The following USP34 variants were observed in gnomAD, a reference collection of about 807,000 sequenced individuals.
USP34 encodes ubiquitin specific peptidase 34, also known as ubiquitin carboxyl-terminal hydrolase 34.
A neutral mutation model predicts 460.3 loss-of-function variants in USP34; 70 were observed. That is an observed-to-expected ratio of 0.15 (90% CI 0.13 to 0.19). The LOEUF (loss-of-function observed/expected upper bound fraction) is 0.19. Ranked by LOEUF, USP34 falls within the 10% of genes least tolerant of loss-of-function variation. USP34 has a pLI of 1.00. For missense variants in USP34, 3,985 were observed against 4,236.2 expected, an observed-to-expected ratio of 0.94 and a Z score of 1.65; for synonymous variants, 1,647 against 1,405.3, an observed-to-expected ratio of 1.17 and a Z score of -3.85.
rs1419331396 is a variant in USP34 at position 61,434,882 on chromosome 2, T to TA, written c.44-14050dup. On this transcript the variant is annotated intron_variant, in intron 1 of 79. Coordinates refer to ENST00000398571, the MANE Select transcript of USP34 (RefSeq NM_014709.4). ...ATTCTCCTGTAATAGACCCCAATCA[T>TA]AAAGAAATATATAAAATGCCAGAAA... Among the ~76,000 whole-genome samples, 5 of 151,568 alleles carry TA rather than the reference T, an allele frequency of 3.3e-5. No homozygotes were observed. The East Asian group carries it at 9.7e-4, about 29-fold the overall frequency.
intron 34 of USP34, 38 bp downstream of exon 34, chr2:61,288,639 A>G (rs766644627): frequency 6.3e-7 from 1 of 1,590,864 alleles, no homozygotes; most frequent in South Asian, 1.1e-5. Context: ...ATAAAAATAA[A>G]TGGAATTCAT....
intron 75 of USP34, among the ~76,000 whole-genome samples, chr2:61,196,068 G>GTTTTTTTT: frequency 4.3e-5 from 2 of 47,034 alleles, no homozygotes; most frequent in African/African-American, 7.8e-5. Context: ...CACCATGCAC[G>GTTTTTTTT]ATTTTTTTTT....
intron 22 of USP34, among the ~76,000 whole-genome samples, chr2:61,318,884 AC>A (rs1344175360): frequency 6.6e-6 from 1 of 152,244 alleles, no homozygotes; most frequent in Non-Finnish European, 1.5e-5. Flanking sequence ...TTTCAAAAAA[AC>A]AAACACTAAG....
intron 1 of USP34, among the ~76,000 whole-genome samples, chr2:61,423,494 A>G (rs1436810428): frequency 6.6e-6 from 1 of 152,236 alleles, no homozygotes; most frequent in Non-Finnish European, 1.5e-5. Flanking sequence ...CAAGGAGGAA[A>G]AGACTTGTTA....
rs772276115 is a variant in USP34 at position 61,317,686 on chromosome 2, T to C, written c.3250A>G (p.Thr1084Ala). ...QHLCNLARLA[T>A]SAYDGCSNSE... Reference sequence around the variant, plus strand: ...TTTGAACAACCATCATAGGCACTGGTAGCCAATCGAGCCAAGTTACAGAGA... The same window carrying C: ...TTTGAACAACCATCATAGGCACTGGCAGCCAATCGAGCCAAGTTACAGAGA... The change falls in exon 23 of 80, where the codon ACC (threonine) becomes GCC (alanine). Residue 1084 changes from threonine (T) to alanine (A), a missense_variant. By Grantham distance (58) the Thr-to-Ala change is moderately conservative (BLOSUM62 0). Coordinates refer to ENST00000398571, the MANE Select transcript of USP34 (RefSeq NM_014709.4). 23 of 1,614,000 alleles carry C rather than the reference T, an allele frequency of 1.4e-5. No individual in the cohort carries two copies. The highest frequency in any genetic ancestry group is 1.7e-6 in the Non-Finnish European group (2 of 1,179,992).
At chr2:61,215,264 C>T (rs1431511058) in intron 67 of USP34, among the ~76,000 whole-genome samples, 1 of 152,062 alleles carries the variant, frequency 6.6e-6, no homozygotes, top group African/African-American at 2.4e-5. Context: ...CTTTAAAAGT[C>T]TTCTAAGGCT....
At chr2:61,301,321 C>T in intron 28 of USP34, 33 bp downstream of exon 28, 1 of 1,599,832 alleles carries the variant, frequency 6.3e-7, no homozygotes, top group Non-Finnish European at 8.5e-7. Context: ...ATAAACAGAT[C>T]ATTAAAACTC....
chr2:61,311,131 A>C (rs922201407), intron 27 of USP34, among the ~76,000 whole-genome samples: 1 of 152,216 alleles, frequency 6.6e-6, no homozygotes, highest in Non-Finnish European at 1.5e-5. Flanking sequence ...CTGAAAATTC[A>C]TGTTGAACAT....
chr2:61,311,710 T>C, intron 26 of USP34, 23 bp from the exon 27 acceptor site: 2 of 1,608,090 alleles, frequency 1.2e-6, no homozygotes, highest in Non-Finnish European at 1.7e-6. Context: ...ATGCAACCAA[T>C]TTAAAAATAC....
chr2:61,377,953 T>C (rs1225746762), intron 8 of USP34, among the ~76,000 whole-genome samples: 1 of 152,194 alleles, frequency 6.6e-6, no homozygotes, highest in Non-Finnish European at 1.5e-5. Context: ...CTGAGGCAAG[T>C]GGATGGCTTG....
intron 10 of USP34, among the ~76,000 whole-genome samples, chr2:61,354,358 TA>T (rs1425675439): frequency 5.3e-5 from 8 of 152,328 alleles, no homozygotes; most frequent in Admixed American, 3.9e-4. Flanking sequence ...TTCAAGGGGC[TA>T]AAAGAAAAAT....
intron 62 of USP34, 144 bp from the exon 63 acceptor site, chr2:61,223,440 C>T (rs1687645767): frequency 3.7e-6 from 3 of 821,378 alleles, no homozygotes; most frequent in Non-Finnish European, 5.6e-6. Flanking sequence ...GCTACATTTG[C>T]TTGCTAAATG....
rs959902134 is a variant in USP34, at chr2:61,309,104, C to T, written c.3817+2436G>A. On this transcript the variant is annotated intron_variant, in intron 27 of 79. Transcript: ENST00000398571. The stretch of plus-strand genomic sequence containing the variant: ...GTAAAAAGTATCGGAATTCAGAATT[C>T]AACAGCAATGATGAAAGCAAGAAAC... 2.0e-5 allele frequency among the ~76,000 whole-genome samples: 3 copies of T among 152,078 alleles called. No individual in the cohort carries two copies. In the East Asian group the frequency reaches 5.8e-4, roughly 29 times the overall value.
chr2:61,190,093 T>A, intron 78 of USP34, 178 bp downstream of exon 78: 2 of 638,310 alleles, frequency 3.1e-6, no homozygotes, highest in Non-Finnish European at 4.9e-6. Context: ...GGTGATAGAG[T>A]GTGCTGTGTA....
At chr2:61,361,631 A>G (rs1692278712) in intron 10 of USP34, among the ~76,000 whole-genome samples, 3 of 152,288 alleles carry the variant, frequency 2.0e-5, no homozygotes, top group South Asian at 4.1e-4. Flanking sequence ...CTGGATCCTT[A>G]TCTTATACCA....
chr2:61,235,741 T>TCCC, intron 57 of USP34, 104 bp downstream of exon 57: 1 of 1,110,386 alleles, frequency 9.0e-7, no homozygotes, highest in Non-Finnish European at 1.3e-6. Flanking sequence ...TCCATTTGGC[T>TCCC]CCCTGTGACA....
chr2:61,466,319 G>A (rs1695761427), intron 1 of USP34, among the ~76,000 whole-genome samples: 2 of 152,040 alleles, frequency 1.3e-5, no homozygotes, highest in African/African-American at 2.4e-5. Flanking sequence ...CAGCTACTTG[G>A]GAGGATGTGG....
intron 58 of USP34, among the ~76,000 whole-genome samples, chr2:61,230,207 G>A (rs575177909): frequency 6.6e-6 from 1 of 152,270 alleles, no homozygotes; most frequent in Admixed American, 6.5e-5. Context: ...TCACTGGCAA[G>A]AATGTCAAAC....
chr2:61,460,129 C>T (rs562038275), intron 1 of USP34, among the ~76,000 whole-genome samples: 1 of 152,170 alleles, frequency 6.6e-6, no homozygotes, highest in Non-Finnish European at 1.5e-5. Flanking sequence ...ACTTAGTTTC[C>T]AAGCTTATTA....
Sources: gnomAD v4.1 joint callset for allele counts (sites outside exome capture counted in the v4.1 genomes callset) on GRCh38, gnomAD v4.1.1 for gene constraint, MANE v1.5 for transcripts, NCBI Gene and HGNC (gene_info 2026-07-23, HGNC 2026-07-21) for gene names.